GRIA3: variants seen among roughly 807,000 people sequenced by gnomAD.
GRIA3 encodes the protein glutamate receptor 3.
A neutral mutation model predicts 63.0 loss-of-function variants in GRIA3; 3 were observed. The ratio of observed to expected loss-of-function variants is 0.05; its 90% CI spans 0.02 to 0.12. The LOEUF is 0.12. Among genes scored for constraint, GRIA3 ranks in the 10% least tolerant of loss-of-function variants. The pLI is 1.00. For synonymous variants in GRIA3, 274 were observed against 257.9 expected, an observed-to-expected ratio of 1.06 and a Z score of -0.60; for missense variants, 347 against 700.9, an observed-to-expected ratio of 0.50 and a Z score of 5.70.
intron 3 of GRIA3, among the ~76,000 whole-genome samples, chrX:123,260,591 T>G: frequency 9.5e-6 from 1 of 105,614 alleles, no homozygotes; most frequent in Admixed American, 1.0e-4. Flanking sequence ...TCTTCTTCAC[T>G]TTAAGAACTG....
chrX:123,347,478 C>A (rs1225735141), intron 4 of GRIA3, among the ~76,000 whole-genome samples: 4 of 112,282 alleles, frequency 3.6e-5, no homozygotes, highest in Non-Finnish European at 5.6e-5. Flanking sequence ...CTTCTTTCAG[C>A]AATCAGAAAA....
At chrX:123,228,837 A>C (rs1185607307) in intron 2 of GRIA3, among the ~76,000 whole-genome samples, 3 of 111,768 alleles carry the variant, frequency 2.7e-5, no homozygotes, top group Non-Finnish European at 5.7e-5. Flanking sequence ...AGACCTATGA[A>C]AATCAGTATA....
chrX:123,467,803 C>T (rs1375878600), intron 13 of GRIA3, among the ~76,000 whole-genome samples: 1 of 111,883 alleles, frequency 8.9e-6, no homozygotes, highest in Non-Finnish European at 1.9e-5. Flanking sequence ...TACTTTTCAC[C>T]CAGATGTTTT....
At position 123,489,639 on chromosome X, in the gene GRIA3, G is replaced by A. The variant is rs1288249862; in HGVS notation, c.*929G>A. On this transcript the variant is annotated 3_prime_UTR_variant, in exon 16 of 16. Transcript: ENST00000620443. ...AGAGCTGAGTATCTAGCATTGAGGT[G>A]AGGGAAATGCTGCCTATACTCCCAG... 1 of 111,995 alleles carries A rather than the reference G, an allele frequency of 8.9e-6. No individual in the cohort carries two copies. The highest frequency in any genetic ancestry group is 2.8e-4 in the East Asian group (1 of 3,566). 9.2% of individuals were successfully genotyped at this position (111,995 alleles called of 1,213,427 possible).
At chrX:123,301,751 G>A (rs776618833) in intron 3 of GRIA3, among the ~76,000 whole-genome samples, 1 of 111,495 alleles carries the variant, frequency 9.0e-6, no homozygotes, top group African/African-American at 3.2e-5. Context: ...AATTTAAAAT[G>A]TTCCTGAAGA....
At chrX:123,397,333 A>C (rs1193131238) in intron 6 of GRIA3, among the ~76,000 whole-genome samples, 1 of 112,218 alleles carries the variant, frequency 8.9e-6, no homozygotes, top group Non-Finnish European at 1.9e-5. Context: ...AGGAAATAAA[A>C]TTGTCTACAG....
intron 13 of GRIA3, among the ~76,000 whole-genome samples, chrX:123,467,534 TC>T (rs1319172894): frequency 8.9e-6 from 1 of 112,427 alleles, no homozygotes; most frequent in Non-Finnish European, 1.9e-5. Flanking sequence ...TTAGCACCTG[TC>T]TTTTTCTCAT....
intron 15 of GRIA3, 65 bp downstream of exon 15, chrX:123,483,111 CTTT>C (rs199682384): frequency 6.4e-4 from 468 of 735,973 alleles, no homozygotes; most frequent in Non-Finnish European, 7.6e-4. Context: ...TTTTTTTCTT[CTTT>C]TTTTTTTTTT....
intron 10 of GRIA3, 120 bp from the exon 11 acceptor site, chrX:123,417,282 A>G (rs775069105): frequency 5.0e-6 from 3 of 600,639 alleles, no homozygotes; most frequent in East Asian, 6.6e-5. Flanking sequence ...TGATAATTCA[A>G]TTGGTTGTAA....
At chrX:123,277,147 G>T (rs1281734728) in intron 3 of GRIA3, among the ~76,000 whole-genome samples, 1 of 109,379 alleles carries the variant, frequency 9.1e-6, no homozygotes, top group African/African-American at 3.3e-5. Context: ...TACATTGTAG[G>T]TGTATTTATT....
chrX:123,305,852 C>T (rs748412785), intron 3 of GRIA3, among the ~76,000 whole-genome samples: 1 of 111,778 alleles, frequency 8.9e-6, no homozygotes, highest in African/African-American at 3.3e-5. Context: ...ATTCCCTGTC[C>T]CCGTTGCAAA....
rs757132316 is a variant in GRIA3, at chrX:123,184,543, G to C, written c.8G>C (p.Arg3Thr). 1 of 1,204,471 alleles carries C rather than the reference G, an allele frequency of 8.3e-7. No homozygotes were observed. Among genetic ancestry groups the C allele is most frequent in the African/African-American group, 1.8e-5 (1 of 56,657 alleles). ...CTTCGTTTTAGGCGTAGCATGGCCA[G>C]GCAGAAGAAAATGGGGCAAAGCGTG... The part of the protein sequence containing the change: MA[R>T]QKKMGQSVLR... The change falls in exon 1 of 16, where the codon AGG becomes ACG. Residue 3 changes from arginine to threonine, a missense_variant. Physicochemically the swap from Arg to Thr is moderately conservative, Grantham distance 71. This residue lies in a region of GRIA3 where 36 missense variants were observed against 28.2 expected (regional missense o/e 1.28). Coordinates refer to ENST00000620443, the MANE Select transcript of GRIA3 (RefSeq NM_007325.5).
intron 2 of GRIA3, among the ~76,000 whole-genome samples, chrX:123,226,713 C>G (rs776352857): frequency 1.8e-5 from 2 of 111,543 alleles, no homozygotes; most frequent in African/African-American, 6.5e-5. Flanking sequence ...CCTCAATCTT[C>G]ATGATATTAA....
intron 10 of GRIA3, among the ~76,000 whole-genome samples, chrX:123,410,978 T>C: frequency 8.9e-6 from 1 of 112,172 alleles, no homozygotes; most frequent in Admixed American, 9.5e-5. Context: ...TATTCTGTTG[T>C]GACACTGCTT....
chrX:123,184,511 T>C lies in GRIA3; in HGVS notation c.-25T>C, dbSNP rs1381204710. 1 of 1,118,582 alleles carries C rather than the reference T, an allele frequency of 8.9e-7. No individual in the cohort carries two copies. The highest frequency in any genetic ancestry group is 1.8e-5 in the South Asian group (1 of 55,062). The allele number at this position is 1,118,582 out of a possible 1,213,427, so 92.2% of individuals were successfully genotyped here. A position where few individuals can be genotyped will look rare whatever the true frequency, so the allele number is the denominator to read the frequency against. On this transcript the variant is annotated 5_prime_UTR_variant, in exon 1 of 16. Coordinates refer to ENST00000620443, the MANE Select transcript of GRIA3 (RefSeq NM_007325.5). ...CGACTCCTGAGTTGCGCCCATGCTC[T>C]TGTCAGCTTCGTTTTAGGCGTAGCA...
At chrX:123,345,590 G>A (rs1027527896) in intron 4 of GRIA3, among the ~76,000 whole-genome samples, 3 of 110,326 alleles carry the variant, frequency 2.7e-5, no homozygotes, top group South Asian at 3.9e-4. Context: ...GTGGCAGTGC[G>A]GGTTACTTTG....
chrX:123,372,987 G>A (rs2147362599), intron 5 of GRIA3, among the ~76,000 whole-genome samples: 1 of 109,012 alleles, frequency 9.2e-6, no homozygotes, highest in East Asian at 2.9e-4. Context: ...TTTACATTAG[G>A]TATTTCTCCT....
chrX:123,266,225 A>G (rs1027259453), intron 3 of GRIA3, among the ~76,000 whole-genome samples: 2 of 112,182 alleles, frequency 1.8e-5, no homozygotes, highest in African/African-American at 6.5e-5. Context: ...GCAATTTCAC[A>G]TGGGCTTTCC....
At chrX:123,351,604 G>GT (rs1274906374) in intron 4 of GRIA3, among the ~76,000 whole-genome samples, 7 of 111,592 alleles carry the variant, frequency 6.3e-5, no homozygotes, top group East Asian at 5.6e-4. Context: ...ATGTTGTCTC[G>GT]TTTTCTCATC....
Sources: allele counts gnomAD v4.1 joint callset (sites outside exome capture counted in the v4.1 genomes callset), GRCh38; gene constraint gnomAD v4.1.1; regional missense constraint gnomAD v4.1.1; transcripts MANE v1.5; gene names NCBI Gene and HGNC (gene_info 2026-07-23, HGNC 2026-07-21).